GRAMD2B: variants seen among roughly 807,000 people sequenced by gnomAD.
GRAMD2B encodes the protein GRAM domain containing 2B.
Under a neutral mutation model 59.2 loss-of-function variants are expected in GRAMD2B, and 41 were observed. The observed-to-expected ratio is 0.69, with a 90% CI of 0.54 to 0.90. The LOEUF (loss-of-function observed/expected upper bound fraction) is 0.90, where lower values mean the gene tolerates loss of function less well. Among genes scored for constraint, GRAMD2B ranks in the 40% least tolerant of loss-of-function variants. The pLI, the probability that GRAMD2B is intolerant of heterozygous loss-of-function variation, is 0.00. For synonymous variants in GRAMD2B, 161 were observed against 182.7 expected (o/e 0.88, Z 0.96); for missense variants, 424 against 500.5 (o/e 0.85, Z 1.46).
rs1356201351 is a variant in GRAMD2B, at chr5:126,493,040, C to G, written c.*84C>G. ...CCTGAGGCGTTTTGTTTGAGTGCAC[C>G]CTGCTGGTCAGAGGTGCAAGCAGAT... On this transcript the variant is annotated 3_prime_UTR_variant, in exon 14 of 14. Coordinates refer to ENST00000285689, the MANE Select transcript of GRAMD2B (RefSeq NM_023927.4). The G allele has an allele frequency of 6.8e-6, 7 of 1,023,782 alleles. No individual in the cohort carries two copies. Among genetic ancestry groups the G allele is most frequent in the Non-Finnish European group, 1.1e-5 (7 of 651,894 alleles). 63.4% of individuals were successfully genotyped at this position (1,023,782 alleles called of 1,614,324 possible). A position where few individuals can be genotyped will look rare whatever the true frequency, so the allele number is the denominator to read the frequency against.
chr5:126,471,031 T>C (rs1215144523), intron 3 of GRAMD2B, among the ~76,000 whole-genome samples: 1 of 152,228 alleles, frequency 6.6e-6, no homozygotes, highest in Non-Finnish European at 1.5e-5. Flanking sequence ...CTAGCTTTAA[T>C]CAAGGTATCT....
intron 1 of GRAMD2B, among the ~76,000 whole-genome samples, chr5:126,451,467 T>C (rs1001315654): frequency 6.6e-6 from 1 of 152,166 alleles, no homozygotes; most frequent in Admixed American, 6.5e-5. Flanking sequence ...CCCCTTTCTT[T>C]TGGCCGACTT....
intron 1 of GRAMD2B, among the ~76,000 whole-genome samples, chr5:126,384,460 C>T (rs552120976): frequency 2.2e-4 from 33 of 152,266 alleles, no homozygotes; most frequent in South Asian, 1.2e-3. Context: ...AGTATAATCC[C>T]GGAGAAAGGG....
intron 1 of GRAMD2B, among the ~76,000 whole-genome samples, chr5:126,442,977 T>C (rs1019415494): frequency 6.6e-6 from 1 of 152,232 alleles, no homozygotes. Context: ...GAAACTTCTT[T>C]CCTGAAGTAG....
Position 126,424,716 on chromosome 5 carries a change from A to G in GRAMD2B, c.83+1027A>G, listed in dbSNP as rs898034923. Among the ~76,000 whole-genome samples, 10 of 152,360 alleles carry G rather than the reference A, an allele frequency of 6.6e-5. No individual in the cohort carries two copies. In the East Asian group the frequency reaches 1.9e-3, roughly 29 times the overall value. ...TGTAGACCTCATCACCTAGAGCCTT[A>G]GCCTCCTAAATAATAGTAGCTGGCA... On this transcript the variant is annotated intron_variant, in intron 1 of 13. Transcript: ENST00000285689.
intron 1 of GRAMD2B, among the ~76,000 whole-genome samples, chr5:126,447,408 A>G (rs1453068336): frequency 6.6e-6 from 1 of 152,228 alleles, no homozygotes; most frequent in Non-Finnish European, 1.5e-5. Flanking sequence ...CACGCCTGTA[A>G]TCCCAGCACT....
intron 1 of GRAMD2B, among the ~76,000 whole-genome samples, chr5:126,447,959 A>T (rs1009694659): frequency 6.6e-6 from 1 of 151,970 alleles, no homozygotes; most frequent in Non-Finnish European, 1.5e-5. Context: ...TCCCAGGTTC[A>T]AGCAATTCTT....
At chr5:126,380,294 G>C (rs574955230) in intron 1 of GRAMD2B, among the ~76,000 whole-genome samples, 154 of 152,230 alleles carry the variant, frequency 1.0e-3, no homozygotes, top group Non-Finnish European at 1.9e-3. Context: ...GTACCATGCT[G>C]TTTTGGTGAC....
chr5:126,477,665 G>A, intron 5 of GRAMD2B, 27 bp from the exon 6 acceptor site: 1 of 1,190,874 alleles, frequency 8.4e-7, no homozygotes, highest in Non-Finnish European at 1.3e-6. Context: ...AGTCTGAACT[G>A]GCATTAACTT....
chr5:126,362,729 T>C (rs1425999957), intron 1 of GRAMD2B, among the ~76,000 whole-genome samples: 1 of 152,156 alleles, frequency 6.6e-6, no homozygotes, highest in Admixed American at 6.5e-5. Flanking sequence ...GGCAAGATAA[T>C]CCAATGGGAA....
At chr5:126,447,902 G>C (rs887191145) in intron 1 of GRAMD2B, among the ~76,000 whole-genome samples, 7 of 151,164 alleles carry the variant, frequency 4.6e-5, no homozygotes, top group African/African-American at 1.7e-4. Context: ...CTGTTGCCCA[G>C]TTTGGAGCAC....
rs1306466333 is a variant in GRAMD2B at position 126,494,087 on chromosome 5, T to G, written c.*1131T>G. 1.3e-5 allele frequency: 2 copies of G among 152,702 alleles called. No homozygotes were observed. The highest frequency in any genetic ancestry group is 2.9e-5 in the Non-Finnish European group (2 of 68,046). 9.5% of individuals were successfully genotyped at this position (152,702 alleles called of 1,614,324 possible). ...GAATTGGTTACATCGTTTGTATCTGTTGGCCTAGTGGACAGCTGTGCCTGG... is the reference window on the plus strand; with the variant it reads ...GAATTGGTTACATCGTTTGTATCTGGTGGCCTAGTGGACAGCTGTGCCTGG... On this transcript the variant is annotated 3_prime_UTR_variant, in exon 14 of 14. Transcript: ENST00000285689.
chr5:126,410,322 C>T (rs1371966235), intron 1 of GRAMD2B, among the ~76,000 whole-genome samples: 1 of 151,822 alleles, frequency 6.6e-6, no homozygotes, highest in Non-Finnish European at 1.5e-5. Flanking sequence ...TACCCATGAG[C>T]ATGGAATGTT....
At chr5:126,462,261 TGAC>T (rs1767512481) in intron 1 of GRAMD2B, 1 of 164,916 alleles carries the variant, frequency 6.1e-6, no homozygotes, top group African/African-American at 2.4e-5. Flanking sequence ...TCAGCTTCGT[TGAC>T]CGTAACTTTA....
intron 1 of GRAMD2B, among the ~76,000 whole-genome samples, chr5:126,430,859 A>G (rs1308715809): frequency 1.3e-5 from 2 of 152,144 alleles, no homozygotes; most frequent in Non-Finnish European, 2.9e-5. Context: ...CACAACATCA[A>G]AGATAACTCA....
At chr5:126,419,104 T>C (rs1282594266), upstream of GRAMD2B, among the ~76,000 whole-genome samples, 1 of 152,184 alleles carries the variant, frequency 6.6e-6, no homozygotes, top group African/African-American at 2.4e-5. Context: ...GTAACTATAA[T>C]ATTTGACCAT....
chr5:126,404,945 A>T (rs1758143701), intron 1 of GRAMD2B, among the ~76,000 whole-genome samples: 1 of 151,962 alleles, frequency 6.6e-6, no homozygotes, highest in Non-Finnish European at 1.5e-5. Flanking sequence ...TTTAATTATC[A>T]CAACCACTCT....
At chr5:126,435,035 G>T (rs539383670) in intron 1 of GRAMD2B, among the ~76,000 whole-genome samples, 1 of 152,290 alleles carries the variant, frequency 6.6e-6, no homozygotes, top group African/African-American at 2.4e-5. Flanking sequence ...GTACTGTTCA[G>T]TAACTTTTAT....
chr5:126,451,498 G>A (rs538559675), intron 1 of GRAMD2B, among the ~76,000 whole-genome samples: 1 of 152,104 alleles, frequency 6.6e-6, no homozygotes, highest in African/African-American at 2.4e-5. Context: ...GAATGGGAAT[G>A]TTTATCCAGT....
Sources: allele counts gnomAD v4.1 joint callset (sites outside exome capture counted in the v4.1 genomes callset), GRCh38; gene constraint gnomAD v4.1.1; transcripts MANE v1.5; gene names NCBI Gene and HGNC (gene_info 2026-07-23, HGNC 2026-07-21).